SPPL3: variants seen among roughly 807,000 people sequenced by gnomAD.
SPPL3 encodes signal peptide peptidase-like 3.
SPPL3 carries 5 observed loss-of-function variants against 42.4 expected under a neutral mutation model. The observed-to-expected ratio is 0.12, with a 90% CI of 0.06 to 0.25. SPPL3 has a LOEUF of 0.25. Among genes scored for constraint, SPPL3 ranks in the 10% least tolerant of loss-of-function variants. The probability of loss-of-function intolerance (pLI) is 1.00; values close to 1 mark genes in which losing one functional copy is unlikely to be tolerated. For missense variants in SPPL3, 235 were observed against 489.0 expected (o/e 0.48, Z 4.90); for synonymous variants, 195 against 181.8 (o/e 1.07, Z -0.58).
chr12:120,847,545 T>C (rs1240789405), intron 1 of SPPL3, among the ~76,000 whole-genome samples: 1 of 152,068 alleles, frequency 6.6e-6, no homozygotes, highest in Non-Finnish European at 1.5e-5. Flanking sequence ...CTGCCTGCCT[T>C]GGCCTCCCGA....
At chr12:120,822,925 A>G (rs1871115355) in intron 1 of SPPL3, among the ~76,000 whole-genome samples, 1 of 152,036 alleles carries the variant, frequency 6.6e-6, no homozygotes, top group Admixed American at 6.6e-5. Flanking sequence ...GCTAGGTACT[A>G]GCACTCCATG....
intron 1 of SPPL3, among the ~76,000 whole-genome samples, chr12:120,876,624 A>AAAAAAAAAAAAAAAAAAAAAAAAAG (rs1873100816): frequency 1.4e-5 from 2 of 143,774 alleles, no homozygotes; most frequent in African/African-American, 5.7e-5. Flanking sequence ...CTCAAAAAAA[A>AAAAAAAAAAAAAAAAAAAAAAAAAG]AAAAAAAAAA....
chr12:120,843,108 A>G (rs1871886919), intron 1 of SPPL3, among the ~76,000 whole-genome samples: 1 of 152,210 alleles, frequency 6.6e-6, no homozygotes, highest in African/African-American at 2.4e-5. Context: ...GCTTCATTCA[A>G]CAGTGTTCAC....
chr12:120,854,548 G>A (rs1045741508), intron 1 of SPPL3, among the ~76,000 whole-genome samples: 3 of 152,120 alleles, frequency 2.0e-5, no homozygotes, highest in Non-Finnish European at 4.4e-5. Context: ...AATAATTGAT[G>A]AACAAGAGCC....
intron 1 of SPPL3, among the ~76,000 whole-genome samples, chr12:120,842,562 G>A (rs1017547787): frequency 6.6e-6 from 1 of 152,064 alleles, no homozygotes; most frequent in African/African-American, 2.4e-5. Flanking sequence ...TCCAGCTCTA[G>A]AGACAGGGAA....
At chr12:120,872,340 C>T (rs1872958368) in intron 1 of SPPL3, among the ~76,000 whole-genome samples, 1 of 152,172 alleles carries the variant, frequency 6.6e-6, no homozygotes, top group South Asian at 2.1e-4. Context: ...CATGAAATAA[C>T]AAGTTTTAGA....
intron 1 of SPPL3, among the ~76,000 whole-genome samples, chr12:120,840,378 CA>C (rs1871779051): frequency 6.8e-6 from 1 of 147,720 alleles, no homozygotes; most frequent in Admixed American, 6.8e-5. Context: ...AAGTCAGACA[CA>C]AAAGGCCATA....
intron 1 of SPPL3, among the ~76,000 whole-genome samples, chr12:120,875,546 T>A (rs1873059285): frequency 6.6e-6 from 1 of 151,900 alleles, no homozygotes; most frequent in African/African-American, 2.4e-5. Flanking sequence ...GGAGAATTGT[T>A]TGAACCCCTG....
intron 5 of SPPL3, 72 bp from the exon 6 acceptor site, chr12:120,782,839 C>A: frequency 8.9e-7 from 1 of 1,120,628 alleles, no homozygotes; most frequent in Non-Finnish European, 1.3e-6. Context: ...TTTGGTATTT[C>A]GTGATGGCTG....
At chr12:120,881,234 C>T (rs1007328866) in intron 1 of SPPL3, among the ~76,000 whole-genome samples, 3 of 151,284 alleles carry the variant, frequency 2.0e-5, no homozygotes, top group South Asian at 2.1e-4. Flanking sequence ...TTTGGGAGGC[C>T]GAGGCGGGAG....
chr12:120,782,939 T>C (rs890966298), intron 5 of SPPL3, among the ~76,000 whole-genome samples, 172 bp from the exon 6 acceptor site: 4 of 152,236 alleles, frequency 2.6e-5, no homozygotes, highest in African/African-American at 9.6e-5. Flanking sequence ...CACAGGAATA[T>C]ACTTCTGCAC....
At chr12:120,875,561 G>A (rs1873060030) in intron 1 of SPPL3, among the ~76,000 whole-genome samples, 1 of 151,044 alleles carries the variant, frequency 6.6e-6, no homozygotes, top group African/African-American at 2.4e-5. Flanking sequence ...CCCCTGAGGT[G>A]AAGGTTGCAG....
chr12:120,765,135 T>C, intron 10 of SPPL3, 65 bp from the exon 11 acceptor site: 1 of 1,503,968 alleles, frequency 6.6e-7, no homozygotes, highest in Non-Finnish European at 9.0e-7. Context: ...TGTCTGATTC[T>C]TTAAAAAAAA....
chr12:120,769,082 C>A (rs777019404), intron 6 of SPPL3, 23 bp from the exon 7 acceptor site: 8 of 1,573,342 alleles, frequency 5.1e-6, no homozygotes, highest in African/African-American at 1.3e-5. Context: ...CAGGGTACAG[C>A]AGACAGCAGT....
intron 2 of SPPL3, among the ~76,000 whole-genome samples, chr12:120,800,681 G>T (rs374792491): frequency 6.6e-6 from 1 of 151,732 alleles, no homozygotes; most frequent in African/African-American, 2.4e-5. Context: ...AACTATGACT[G>T]AACAGGAAGT....
intron 1 of SPPL3, among the ~76,000 whole-genome samples, chr12:120,853,976 G>GCACACGTACACA (rs1872352523): frequency 1.6e-5 from 1 of 64,146 alleles, no homozygotes; most frequent in African/African-American, 6.9e-5. Context: ...CCACACACAC[G>GCACACGTACACA]CACACATACA....
chr12:120,888,935 G>A (rs1451870773), intron 1 of SPPL3, among the ~76,000 whole-genome samples: 2 of 151,866 alleles, frequency 1.3e-5, no homozygotes, highest in Non-Finnish European at 2.9e-5. Flanking sequence ...TCAGCCTCCC[G>A]AGTAAATAGC....
intron 1 of SPPL3, among the ~76,000 whole-genome samples, chr12:120,836,376 C>G (rs938080617): frequency 3.9e-5 from 6 of 152,080 alleles, no homozygotes; most frequent in African/African-American, 1.4e-4. Context: ...AGAGGCCACA[C>G]AGAGAAAGAA....
chr12:120,848,641 T>C (rs566913087), intron 1 of SPPL3, among the ~76,000 whole-genome samples: 1 of 152,354 alleles, frequency 6.6e-6, no homozygotes, highest in East Asian at 1.9e-4. Context: ...TTAATCTATA[T>C]ATTTAACATA....
Sources: gnomAD v4.1 joint callset for allele counts (sites outside exome capture counted in the v4.1 genomes callset) on GRCh38, gnomAD v4.1.1 for gene constraint, MANE v1.5 for transcripts, NCBI Gene and HGNC (gene_info 2026-07-23, HGNC 2026-07-21) for gene names.